Variants in LAMA2 observed in about 807,000 individuals in gnomAD.
The protein encoded by LAMA2 is laminin subunit alpha 2, also known as laminin subunit alpha-2.
A neutral mutation model predicts 364.8 loss-of-function variants in LAMA2; 269 were observed. The ratio of observed to expected loss-of-function variants is 0.74; its 90% CI spans 0.67 to 0.82. LAMA2 has a LOEUF of 0.82. Ranked by LOEUF, LAMA2 falls within the 40% of genes least tolerant of loss-of-function variation. The probability of loss-of-function intolerance (pLI) is 0.00; values close to 1 mark genes in which losing one functional copy is unlikely to be tolerated. For missense variants in LAMA2, 3,807 were observed against 3,873.2 expected (o/e 0.98, Z 0.45); for synonymous variants, 1,379 against 1,370.6 (o/e 1.01, Z -0.14).
chr6:129,435,245 C>G (rs1781778292), intron 41 of LAMA2, among the ~76,000 whole-genome samples: 2 of 152,108 alleles, frequency 1.3e-5, no homozygotes, highest in African/African-American at 2.4e-5. Context: ...TAAATCCAAT[C>G]AAGAAGCTAA....
At chr6:129,165,280 T>G (rs1475217248) in intron 8 of LAMA2, among the ~76,000 whole-genome samples, 1 of 151,996 alleles carries the variant, frequency 6.6e-6, no homozygotes, top group African/African-American at 2.4e-5. Flanking sequence ...CTAGCTTTGT[T>G]GATATACTAT....
chr6:129,031,829 C>CTTTTA (rs1382665241), intron 1 of LAMA2, among the ~76,000 whole-genome samples: 1 of 151,766 alleles, frequency 6.6e-6, no homozygotes, highest in Non-Finnish European at 1.5e-5. Flanking sequence ...CTTTTCTTTT[C>CTTTTA]TTTTCTTTTT....
At chr6:129,122,043 A>G (rs1393005818) in intron 4 of LAMA2, among the ~76,000 whole-genome samples, 1 of 152,234 alleles carries the variant, frequency 6.6e-6, no homozygotes, top group African/African-American at 2.4e-5. Flanking sequence ...AAGATCATTA[A>G]ATGTTTTAGA....
intron 1 of LAMA2, among the ~76,000 whole-genome samples, chr6:128,962,447 G>A (rs72983397): frequency 0.028 from 4,247 of 151,910 alleles, 92 homozygotes; most frequent in Non-Finnish European, 0.047. Context: ...TGTGTCTCAC[G>A]TTTAGAGGGT....
At chr6:129,082,971 TA>T (rs1021902250) in intron 3 of LAMA2, among the ~76,000 whole-genome samples, 9 of 152,094 alleles carry the variant, frequency 5.9e-5, no homozygotes, top group Non-Finnish European at 8.8e-5. Flanking sequence ...TATTTACAGA[TA>T]TTTTTTCTAT....
intron 12 of LAMA2, among the ~76,000 whole-genome samples, chr6:129,247,878 G>A (rs950624446): frequency 2.6e-5 from 4 of 152,100 alleles, no homozygotes; most frequent in African/African-American, 7.2e-5. Context: ...TATTATCGCT[G>A]ACCTGCATGA....
At chr6:129,268,074 C>G (rs1382331642) in intron 16 of LAMA2, among the ~76,000 whole-genome samples, 5 of 152,094 alleles carry the variant, frequency 3.3e-5, no homozygotes, top group African/African-American at 1.2e-4. Context: ...TTCTCTTGCT[C>G]ATTTTCCCCC....
intron 1 of LAMA2, among the ~76,000 whole-genome samples, chr6:128,972,492 A>AT (rs1364884906): frequency 1.3e-5 from 2 of 152,256 alleles, no homozygotes; most frequent in African/African-American, 2.4e-5. Context: ...GTGCACATAA[A>AT]TGTTCAACAA....
Position 129,192,711 on chromosome 6 carries a change from A to T in LAMA2, c.1640A>T (p.Asp547Val). 2 of 1,614,046 alleles carry T rather than the reference A, an allele frequency of 1.2e-6. No homozygotes were observed. The highest frequency in any genetic ancestry group is 1.7e-6 in the Non-Finnish European group (2 of 1,179,992). ...GATATGAGTGGCTGGTATCTGACTG[A>T]CCTTCCTGGCCGCATTCGAGTGGCT... Reference protein sequence around the residue: ...IQDMSGWYLTDLPGRIRVAPQ... With the variant: ...IQDMSGWYLTVLPGRIRVAPQ... The change falls in exon 12 of 65, where the codon GAC becomes GTC. Residue 547 changes from aspartate to valine, a missense_variant. Asp to Val is a radical substitution (Grantham distance 152, BLOSUM62 -3). This residue lies in a region of LAMA2 where 3,333 missense variants were observed against 3,345.7 expected (regional missense o/e 1.00). Transcript: ENST00000421865.
intron 12 of LAMA2, among the ~76,000 whole-genome samples, chr6:129,221,694 A>T (rs1032601403): frequency 6.6e-6 from 1 of 152,170 alleles, no homozygotes; most frequent in East Asian, 1.9e-4. Context: ...TATCTTTTAA[A>T]GTTTAATATT....
intron 12 of LAMA2, among the ~76,000 whole-genome samples, chr6:129,234,613 ATATT>A (rs1784867935): frequency 6.6e-6 from 1 of 152,206 alleles, no homozygotes; most frequent in Admixed American, 6.5e-5. Flanking sequence ...TAAAAACAAA[ATATT>A]TATTTGGGGG....
intron 1 of LAMA2, among the ~76,000 whole-genome samples, chr6:128,898,279 C>T (rs1047823215): frequency 6.6e-6 from 1 of 152,034 alleles, no homozygotes; most frequent in Admixed American, 6.6e-5. Context: ...AATAGAACTG[C>T]CTATTTATTT....
At chr6:129,320,979 A>C (rs1397513987) in intron 28 of LAMA2, among the ~76,000 whole-genome samples, 1 of 152,182 alleles carries the variant, frequency 6.6e-6, no homozygotes, top group Non-Finnish European at 1.5e-5. Flanking sequence ...TTAAACTGCA[A>C]TGATTAGGAG....
chr6:129,473,176 G>A (rs1472307292), intron 51 of LAMA2, 38 bp from the exon 52 acceptor site: 1 of 1,508,502 alleles, frequency 6.6e-7, no homozygotes, highest in South Asian at 1.1e-5. Context: ...GGTTGATATT[G>A]CTCAAATAAA....
chr6:128,883,164 C>T lies in LAMA2; in HGVS notation c.-82C>T, dbSNP rs1775899519. 1 of 1,358,322 alleles carries T rather than the reference C, an allele frequency of 7.4e-7. No individual in the cohort carries two copies. Among genetic ancestry groups the T allele is most frequent in the Non-Finnish European group, 1.0e-6 (1 of 983,466 alleles). The allele number at this position is 1,358,322 out of a possible 1,614,324, so 84.1% of individuals were successfully genotyped here. On this transcript the variant is annotated 5_prime_UTR_variant, in exon 1 of 65. Transcript: ENST00000421865. ...TCTTCCCCAGCAGCTGCTGCTCGCT[C>T]AGCTCACAAGCCAAGGCCAGGGGAC... is the stretch of plus-strand genomic sequence containing the variant.
chr6:129,173,789 A>G (rs1012305770), intron 9 of LAMA2, among the ~76,000 whole-genome samples: 3 of 152,170 alleles, frequency 2.0e-5, no homozygotes, highest in Non-Finnish European at 4.4e-5. Context: ...ACATAACCAG[A>G]TAGTAGAAAA....
chr6:129,108,221 TA>T (rs1237985547), intron 4 of LAMA2, among the ~76,000 whole-genome samples: 1 of 152,126 alleles, frequency 6.6e-6, no homozygotes, highest in Non-Finnish European at 1.5e-5. Flanking sequence ...CTTCAAGCTT[TA>T]TTCTGGCAAA....
intron 37 of LAMA2, among the ~76,000 whole-genome samples, chr6:129,398,472 CTTTTTTT>C (rs71028159): frequency 8.1e-5 from 9 of 110,552 alleles, no homozygotes; most frequent in Admixed American, 7.2e-4. Flanking sequence ...CTTTTCTTTT[CTTTTTTT>C]TTTTTTTTTT....
chr6:129,338,382 T>C (rs1776074165), intron 29 of LAMA2, among the ~76,000 whole-genome samples: 1 of 152,228 alleles, frequency 6.6e-6, no homozygotes, highest in African/African-American at 2.4e-5. Context: ...GCTGAATGAC[T>C]TGAAATTATA....
Sources: allele counts gnomAD v4.1 joint callset (sites outside exome capture counted in the v4.1 genomes callset), GRCh38; gene constraint gnomAD v4.1.1; regional missense constraint gnomAD v4.1.1; transcripts MANE v1.5; gene names NCBI Gene and HGNC (gene_info 2026-07-23, HGNC 2026-07-21).